The following GTF2H5 variants were observed in gnomAD, a reference collection of about 807,000 sequenced individuals.
GTF2H5 encodes the protein general transcription factor IIH subunit 5, also known as TFB5 ortholog.
A neutral mutation model predicts 7.1 loss-of-function variants in GTF2H5; 5 were observed. The observed-to-expected ratio is 0.71, with a 90% confidence interval of 0.37 to 1.49. GTF2H5 has a LOEUF of 1.49. GTF2H5 is among the 40% of genes most tolerant of loss of function. GTF2H5 has a pLI of 0.03. For synonymous variants in GTF2H5, 30 were observed against 31.7 expected (o/e 0.95, Z 0.18); for missense variants, 80 against 83.0 (o/e 0.96, Z 0.14).
rs1308042503 is a variant in GTF2H5 at position 158,197,025 on chromosome 6, A to G, written c.*4868A>G. 3.3e-5 allele frequency: 5 copies of G among 152,252 alleles called. No homozygotes were observed. The highest frequency in any genetic ancestry group is 1.2e-4 in the African/African-American group (5 of 41,460). 9.4% of individuals were successfully genotyped at this position (152,252 alleles called of 1,614,324 possible). A position where few individuals can be genotyped will look rare whatever the true frequency, so the allele number is the denominator to read the frequency against. ...CATCCAGCCCAGGTCAGCTGCAGAC[A>G]AAAGCAGAGCTTTCGATGGAAATGT... On this transcript the variant is annotated 3_prime_UTR_variant, in exon 3 of 3. Transcript: ENST00000607778.
At chr6:158,177,827 T>A (rs1785953598) in intron 2 of GTF2H5, among the ~76,000 whole-genome samples, 1 of 152,166 alleles carries the variant, frequency 6.6e-6, no homozygotes, top group Non-Finnish European at 1.5e-5. Context: ...AGTGTTTGGT[T>A]TTCTGATCTT....
chr6:158,185,635 A>G (rs1214510034), intron 2 of GTF2H5, among the ~76,000 whole-genome samples: 1 of 151,942 alleles, frequency 6.6e-6, no homozygotes, highest in Non-Finnish European at 1.5e-5. Flanking sequence ...CTCATTTGTC[A>G]GTTAGCATAT....
chr6:158,177,231 C>A (rs1441364161), intron 2 of GTF2H5, among the ~76,000 whole-genome samples: 2 of 152,196 alleles, frequency 1.3e-5, no homozygotes, highest in Admixed American at 6.5e-5. Flanking sequence ...CATTTGAGTA[C>A]CTACTATGAG....
intron 2 of GTF2H5, among the ~76,000 whole-genome samples, chr6:158,182,079 A>G (rs936265933): frequency 5.9e-5 from 9 of 152,190 alleles, no homozygotes; most frequent in Non-Finnish European, 1.2e-4. Context: ...GATGGTGACA[A>G]AATCTCTCAG....
At chr6:158,188,804 C>G (rs979910704) in intron 2 of GTF2H5, among the ~76,000 whole-genome samples, 1 of 152,092 alleles carries the variant, frequency 6.6e-6, no homozygotes, top group African/African-American at 2.4e-5. Flanking sequence ...AGTGTCATCC[C>G]GGAGATCCTC....
rs10625768 is a variant in GTF2H5 at position 158,192,905 on chromosome 6, C to CAAAAAAAAAAAA, written c.*763_*774dup. 1 of 49,306 alleles carries CAAAAAAAAAAAA rather than the reference C, an allele frequency of 2.0e-5. No homozygotes were observed. Among genetic ancestry groups the CAAAAAAAAAAAA allele is most frequent in the African/African-American group, 7.9e-5 (1 of 12,612 alleles). The allele number at this position is 49,306 out of a possible 1,614,324, so 3.1% of individuals were successfully genotyped here. A position where few individuals can be genotyped will look rare whatever the true frequency, so the allele number is the denominator to read the frequency against. On this transcript the variant is annotated 3_prime_UTR_variant, in exon 3 of 3. Coordinates refer to ENST00000607778, the MANE Select transcript of GTF2H5 (RefSeq NM_207118.3). ...CCTGGACAACAGAGAGACCCTGCCT[C>CAAAAAAAAAAAA]AAAAAAAAAAAAAAAAAAAAAAAAA...
intron 2 of GTF2H5, among the ~76,000 whole-genome samples, chr6:158,188,983 C>T (rs1162204473): frequency 1.5e-5 from 2 of 131,640 alleles, no homozygotes; most frequent in South Asian, 2.8e-4. Flanking sequence ...TCCACTTTGC[C>T]CTCTGGGACA....
intron 2 of GTF2H5, among the ~76,000 whole-genome samples, chr6:158,186,550 G>A (rs1382444981): frequency 1.3e-5 from 2 of 152,246 alleles, no homozygotes; most frequent in African/African-American, 4.8e-5. Flanking sequence ...TGTTGGTCCT[G>A]TAAATCAAAA....
At chr6:158,188,688 T>C (rs943695846) in intron 2 of GTF2H5, among the ~76,000 whole-genome samples, 5 of 152,190 alleles carry the variant, frequency 3.3e-5, no homozygotes, top group African/African-American at 1.2e-4. Context: ...ATGTGAAGTT[T>C]AACATTTTTT....
intron 2 of GTF2H5, among the ~76,000 whole-genome samples, chr6:158,187,887 A>G (rs1237165730): frequency 6.6e-6 from 1 of 152,086 alleles, no homozygotes; most frequent in Non-Finnish European, 1.5e-5. Context: ...TTTAATGTTA[A>G]TACTGGTCAG....
At chr6:158,176,251 C>T (rs368701585) in intron 2 of GTF2H5, among the ~76,000 whole-genome samples, 1 of 151,184 alleles carries the variant, frequency 6.6e-6, no homozygotes, top group South Asian at 2.1e-4. Context: ...TTTTTTGAAA[C>T]GGAGTCTCAC....
intron 2 of GTF2H5, among the ~76,000 whole-genome samples, chr6:158,183,611 G>A (rs1284273033): frequency 6.6e-6 from 1 of 152,142 alleles, no homozygotes; most frequent in Non-Finnish European, 1.5e-5. Flanking sequence ...CAGCAATGGC[G>A]GTCACCCCTC....
At chr6:158,181,311 T>A (rs946601172) in intron 2 of GTF2H5, among the ~76,000 whole-genome samples, 6 of 152,206 alleles carry the variant, frequency 3.9e-5, no homozygotes, top group African/African-American at 1.4e-4. Flanking sequence ...AATTTTAGAA[T>A]AAGTGTGATG....
chr6:158,190,297 T>G (rs1777005364), intron 2 of GTF2H5, among the ~76,000 whole-genome samples: 1 of 152,208 alleles, frequency 6.6e-6, no homozygotes, highest in African/African-American at 2.4e-5. Flanking sequence ...ATGAAAAATC[T>G]TGGAGTTTTC....
chr6:158,169,448 A>ATATATAGTATATTG (rs1562468137), intron 1 of GTF2H5, among the ~76,000 whole-genome samples: 2,786 of 66,682 alleles, frequency 0.042, 299 homozygotes, highest in Admixed American at 0.1. Flanking sequence ...TATATATATT[A>ATATATAGTATATTG]TATATTATAT....
chr6:158,186,027 TG>T (rs886138785), intron 2 of GTF2H5, among the ~76,000 whole-genome samples: 1 of 152,164 alleles, frequency 6.6e-6, no homozygotes, highest in Non-Finnish European at 1.5e-5. Flanking sequence ...ATTTTTTATA[TG>T]ACCAGTTTAA....
chr6:158,175,961 T>C (rs1256716083), intron 2 of GTF2H5, among the ~76,000 whole-genome samples: 1 of 152,234 alleles, frequency 6.6e-6, no homozygotes, highest in African/African-American at 2.4e-5. Flanking sequence ...TGGATTCCTG[T>C]ACTAACGCTG....
rs1274573979 is a variant in GTF2H5 at position 158,198,084 on chromosome 6, T to C, written c.*5927T>C. ...TTATGAAACTGAGTTACCTTGAATC[T>C]AGAAGAGTACAATGATAAAGGGGAA... On this transcript the variant is annotated 3_prime_UTR_variant, in exon 3 of 3. Coordinates refer to ENST00000607778, the MANE Select transcript of GTF2H5 (RefSeq NM_207118.3). The C allele has an allele frequency of 3.3e-5, 5 of 152,352 alleles. No individual in the cohort carries two copies. The highest frequency in any genetic ancestry group is 9.6e-5 in the African/African-American group (4 of 41,574). 9.4% of individuals were successfully genotyped at this position (152,352 alleles called of 1,614,324 possible). A position where few individuals can be genotyped will look rare whatever the true frequency, so the allele number is the denominator to read the frequency against.
intron 1 of GTF2H5, among the ~76,000 whole-genome samples, chr6:158,169,497 A>ATATATGATATACAG (rs1562468379): frequency 1.2e-5 from 1 of 86,038 alleles, no homozygotes; most frequent in Non-Finnish European, 2.0e-5. Flanking sequence ...ATTGTATATT[A>ATATATGATATACAG]TATAATATAT....
Sources: gnomAD v4.1 joint callset for allele counts (sites outside exome capture counted in the v4.1 genomes callset) on GRCh38, gnomAD v4.1.1 for gene constraint, MANE v1.5 for transcripts, NCBI Gene and HGNC (gene_info 2026-07-23, HGNC 2026-07-21) for gene names.